Variants in GATM observed in about 807,000 individuals in gnomAD.
GATM encodes glycine amidinotransferase, mitochondrial.
A neutral mutation model predicts 54.2 loss-of-function variants in GATM; 23 were observed. The ratio of observed to expected loss-of-function variants is 0.42; its 90% CI spans 0.31 to 0.60. The LOEUF (loss-of-function observed/expected upper bound fraction) is 0.60. Among genes scored for constraint, GATM ranks in the 20% least tolerant of loss-of-function variants. GATM has a pLI of 0.14. For synonymous variants in GATM, 168 were observed against 183.1 expected (o/e 0.92, Z 0.67); for missense variants, 401 against 544.9 (o/e 0.74, Z 2.63).
intron 1 of GATM, chr15:45,378,122 G>T: frequency 2.4e-6 from 1 of 422,564 alleles, no homozygotes; most frequent in Non-Finnish European, 4.2e-6. Context: ...GGCCGCGGAC[G>T]CGCAGACAGC....
intron 3 of GATM, among the ~76,000 whole-genome samples, chr15:45,394,248 T>G (rs1055232466): frequency 2.6e-5 from 4 of 152,196 alleles, no homozygotes; most frequent in Non-Finnish European, 5.9e-5. Context: ...TGAACTGGCA[T>G]GCAGAGGATC....
chr15:45,381,858 T>A (rs902629556), upstream of GATM, among the ~76,000 whole-genome samples: 3 of 152,338 alleles, frequency 2.0e-5, no homozygotes, highest in Non-Finnish European at 2.9e-5. Context: ...GCAATTTTTT[T>A]AGAAAATATT....
Position 45,378,386 on chromosome 15 carries a change from C to A in GATM, c.68G>T (p.Arg23Leu). ...GAEAVHYIGSRLGRTLTGWVQ... is the reference protein window; with the variant it reads ...GAEAVHYIGSLLGRTLTGWVQ... Reference sequence around the variant, plus strand: ...AGACGAGGCCGGTGGCGCACGCACCCGAGATCCGATGTAGTGCACCGCCTC... The same window carrying A: ...AGACGAGGCCGGTGGCGCACGCACCAGAGATCCGATGTAGTGCACCGCCTC... Residue 23 changes from arginine (R) to leucine (L), a missense_variant and splice_region_variant, in exon 1 of 9, where the codon CGG becomes CTG. Transcript: ENST00000396659. The A allele has an allele frequency of 2.6e-6, 4 of 1,520,004 alleles. No individual in the cohort carries two copies. Among genetic ancestry groups the A allele is most frequent in the Non-Finnish European group, 3.5e-6 (4 of 1,140,300 alleles). 94.2% of individuals were successfully genotyped at this position (1,520,004 alleles called of 1,614,324 possible). A position where few individuals can be genotyped will look rare whatever the true frequency, so the allele number is the denominator to read the frequency against.
chr15:45,372,511 T>G (rs888299411), intron 2 of GATM, among the ~76,000 whole-genome samples: 1 of 152,208 alleles, frequency 6.6e-6, no homozygotes, highest in Admixed American at 6.5e-5. Context: ...ATAATGACTC[T>G]TTATATTCCT....
upstream of GATM, chr15:45,378,696 C>T (rs1889691284): frequency 1.3e-5 from 5 of 389,384 alleles, no homozygotes; most frequent in Non-Finnish European, 1.8e-5. Flanking sequence ...TGGCTCGAGC[C>T]TCCGATGCTT....
At chr15:45,378,678 G>T, upstream of GATM, 2 of 400,754 alleles carry the variant, frequency 5.0e-6, no homozygotes. Flanking sequence ...GGGAAGCGCC[G>T]CGGCCGCTGG....
intron 1 of GATM, chr15:45,377,294 G>A (rs1216896692): frequency 4.4e-6 from 2 of 452,116 alleles, no homozygotes; most frequent in Non-Finnish European, 8.8e-6. Context: ...TTTTACAAAT[G>A]AAAAGTTGGG....
chr15:45,375,200 A>G (rs956992159), intron 2 of GATM, among the ~76,000 whole-genome samples: 6 of 152,038 alleles, frequency 3.9e-5, no homozygotes, highest in Non-Finnish European at 7.4e-5. Context: ...CCTCCCAAGT[A>G]GCTGGGACTA....
chr15:45,377,237 C>T (rs956357391), intron 1 of GATM: 1 of 488,230 alleles, frequency 2.0e-6, no homozygotes, highest in Non-Finnish European at 4.1e-6. Flanking sequence ...ACCTCCTTTT[C>T]CCTTAAGTAT....
At chr15:45,378,637 G>C, upstream of GATM, 1 of 466,668 alleles carries the variant, frequency 2.1e-6, no homozygotes, top group Non-Finnish European at 3.7e-6. Context: ...AGGTGGTGGG[G>C]CCGGCGTAGC....
At chr15:45,377,002 C>T (rs1889649392) in intron 1 of GATM, 183 bp from the exon 2 acceptor site, 1 of 645,020 alleles carries the variant, frequency 1.6e-6, no homozygotes, top group Non-Finnish European at 2.8e-6. Flanking sequence ...TTTTTTTAAC[C>T]CTCTTGTTTA....
Position 45,368,192 on chromosome 15 carries a change from C to T in GATM, c.553G>A (p.Ala185Thr). The stretch of plus-strand genomic sequence containing the variant: ...TACTCAAAGAAGCGTGAACGCCATG[C>T]CATGGGAGCCTCGATAATCTCATTG... ...VGNEIIEAPM[A>T]WRSRFFEYRA... is the part of the protein sequence containing the mutation. Residue 185 changes from alanine (A) to threonine (T), a missense_variant, in exon 4 of 9, where the codon GCA (alanine) becomes ACA (threonine). Ala to Thr is a moderately conservative substitution (Grantham distance 58). Coordinates refer to ENST00000396659, the MANE Select transcript of GATM (RefSeq NM_001482.3). This position sits in a 1 kb window ranked among gnomAD's most constrained non-coding sequence, Gnocchi z 5.1. 4.3e-6 allele frequency: 7 copies of T among 1,614,056 alleles called. No individual in the cohort carries two copies. The highest frequency in any genetic ancestry group is 5.9e-6 in the Non-Finnish European group (7 of 1,180,002).
rs1156366447 is a variant in GATM, at chr15:45,366,427, A to T, written c.757T>A (p.Phe253Ile). The T allele has an allele frequency of 6.2e-7, 1 of 1,614,212 alleles. No homozygotes were observed. Among genetic ancestry groups the T allele is most frequent in the Admixed American group, 1.7e-5 (1 of 60,030 alleles). The change falls in exon 5 of 9, where the codon TTT becomes ATT. Residue 253 changes from phenylalanine (F) to isoleucine (I), a missense_variant. Phe to Ile is a conservative substitution (Grantham distance 21, BLOSUM62 0). Transcript: ENST00000396659. ...GCTCGAATGAAGTCAGCAGCATCAAAGCATGGCTCAAACTCAGTTGTCACA... is the reference window on the plus strand; with the variant it reads ...GCTCGAATGAAGTCAGCAGCATCAATGCATGGCTCAAACTCAGTTGTCACA... ...KFVTTEFEPC[F>I]DAADFIRAGR...
At chr15:45,384,234 G>A (rs905366516) in intron 3 of GATM, among the ~76,000 whole-genome samples, 1 of 152,196 alleles carries the variant, frequency 6.6e-6, no homozygotes, top group African/African-American at 2.4e-5. Context: ...GTCGCATGCT[G>A]CCATCTTGAT....
intron 3 of GATM, among the ~76,000 whole-genome samples, chr15:45,384,911 T>C (rs1889788194): frequency 6.6e-6 from 1 of 152,174 alleles, no homozygotes; most frequent in African/African-American, 2.4e-5. Context: ...TCATACTATG[T>C]TGCCTAGGCT....
rs566344785 is a variant in GATM at position 45,363,202 on chromosome 15, G to A, written c.1159+698C>T. 5.9e-5 allele frequency among the ~76,000 whole-genome samples: 9 copies of A among 152,210 alleles called. No homozygotes were observed. In the East Asian group the frequency reaches 1.7e-3, roughly 29 times the overall value. On this transcript the variant is annotated intron_variant, in intron 8 of 8. Transcript: ENST00000396659. Reference sequence around the variant, plus strand: ...CAGGAGAATCGCTTGAACCCAGAAAGTGTAGGTTGCAGTGAGCCGAGGTCA... The same window carrying A: ...CAGGAGAATCGCTTGAACCCAGAAAATGTAGGTTGCAGTGAGCCGAGGTCA...
intron 3 of GATM, among the ~76,000 whole-genome samples, chr15:45,394,063 G>C (rs1369211363): frequency 3.3e-5 from 5 of 152,176 alleles, no homozygotes; most frequent in Admixed American, 6.5e-5. Flanking sequence ...GGAGGGAGTA[G>C]AGCAGAGGTC....
At chr15:45,364,940 A>C (rs774978024) in intron 6 of GATM, 80 bp from the exon 7 acceptor site, 1 of 1,148,390 alleles carries the variant, frequency 8.7e-7, no homozygotes, top group Non-Finnish European at 1.3e-6. Context: ...AGCCCTTATC[A>C]GTAATAATTC....
chr15:45,369,671 A>G (rs1187385059), intron 2 of GATM, 150 bp from the exon 3 acceptor site: 2 of 711,494 alleles, frequency 2.8e-6, no homozygotes, highest in East Asian at 2.7e-5. Flanking sequence ...CATTGAGCAC[A>G]TAAGCCCTCT....
Sources: gnomAD v4.1 joint callset for allele counts (sites outside exome capture counted in the v4.1 genomes callset) on GRCh38, gnomAD v4.1.1 for gene constraint, Gnocchi (gnomAD v3.1) non-coding constraint, MANE v1.5 for transcripts, NCBI Gene and HGNC (gene_info 2026-07-23, HGNC 2026-07-21) for gene names.